Variants in SLC25A33 observed in about 807,000 individuals in gnomAD.
SLC25A33 encodes the protein solute carrier family 25 member 33, also known as bone marrow stromal cell mitochondrial carrier protein.
Under a neutral mutation model 35.5 loss-of-function variants are expected in SLC25A33, and 15 were observed. The observed-to-expected ratio is 0.42, with a 90% confidence interval of 0.28 to 0.65. SLC25A33 has a LOEUF of 0.65. Ranked by LOEUF, SLC25A33 falls within the 30% of genes least tolerant of loss-of-function variation. The probability of loss-of-function intolerance (pLI) is 0.20; values close to 1 mark genes in which losing one functional copy is unlikely to be tolerated. For missense variants in SLC25A33, 257 were observed against 398.5 expected (o/e 0.64, Z 3.02); for synonymous variants, 136 against 148.7 (o/e 0.91, Z 0.62).
chr1:9,567,059 TATGTCTA>T (rs1013048952), intron 2 of SLC25A33, among the ~76,000 whole-genome samples: 18 of 151,794 alleles, frequency 1.2e-4, no homozygotes, highest in African/African-American at 4.3e-4. Flanking sequence ...AGAAAGAAAA[TATGTCTA>T]ACTGATGCTT....
Position 9,539,855 on chromosome 1 carries a change from T to TACG in SLC25A33, c.56+109_56+111dup, listed in dbSNP as rs945709984. ...CGGCGGTTACCGGCCTTCCCCGGGC[T>TACG]ACGGCGCCGGCGCTCGGGAGGAGGA... On this transcript the variant is annotated intron_variant, in intron 1 of 6. Transcript: ENST00000302692. 5 of 1,059,756 alleles carry TACG rather than the reference T, an allele frequency of 4.7e-6. No individual in the cohort carries two copies. The African/African-American group carries it at 8.5e-5, about 18-fold the overall frequency. The allele number at this position is 1,059,756 out of a possible 1,614,324, so 65.6% of individuals were successfully genotyped here.
rs915710544 is a variant in SLC25A33, at chr1:9,553,878, A to G, written c.236+73A>G. On this transcript the variant is annotated intron_variant, in intron 2 of 6. Transcript: ENST00000302692. Reference sequence around the variant, plus strand: ...CACTGTCAACAGAGAATGTTCATCAAGCTTATCAAATGTGATGTTCTGTTT... The same window carrying G: ...CACTGTCAACAGAGAATGTTCATCAGGCTTATCAAATGTGATGTTCTGTTT... The G allele has an allele frequency of 1.1e-5, 16 of 1,461,370 alleles. No homozygotes were observed. The Admixed American group carries it at 1.8e-4, about 17-fold the overall frequency. The allele number at this position is 1,461,370 out of a possible 1,614,324, so 90.5% of individuals were successfully genotyped here.
At position 9,547,688 on chromosome 1, in the gene SLC25A33, T is replaced by G. The variant is rs374976949; in HGVS notation, c.57-5938T>G. 3.9e-5 allele frequency among the ~76,000 whole-genome samples: 6 copies of G among 152,200 alleles called. No homozygotes were observed. In the East Asian group the frequency reaches 7.7e-4, roughly 20 times the overall value. On this transcript the variant is annotated intron_variant, in intron 1 of 6. Transcript: ENST00000302692. ...ATCCCAGGCCTCTACCCACTAGATATGAGTAACCCCCCTCCCCCATTTCAA... is the reference window on the plus strand; with the variant it reads ...ATCCCAGGCCTCTACCCACTAGATAGGAGTAACCCCCCTCCCCCATTTCAA...
rs1557539074 is a variant in SLC25A33, at chr1:9,580,869, AATAAT to A, written c.763+637_763+641del. ...GACTCTGTCTCAAAAAAAAAAAAAT[AATAAT>A]AATAATAATAATAATAATAATCATT... On this transcript the variant is annotated intron_variant, in intron 6 of 6. Transcript: ENST00000302692. 6.2e-5 allele frequency among the ~76,000 whole-genome samples: 6 copies of A among 96,720 alleles called. No homozygotes were observed. In the East Asian group the frequency reaches 8.7e-4, roughly 14 times the overall value. 63.5% of individuals were successfully genotyped at this position (96,720 alleles called of 152,430 possible). A position where few individuals can be genotyped will look rare whatever the true frequency, so the allele number is the denominator to read the frequency against.
intron 2 of SLC25A33, among the ~76,000 whole-genome samples, chr1:9,560,690 C>G (rs1234213762): frequency 1.3e-5 from 2 of 151,478 alleles, no homozygotes; most frequent in South Asian, 2.1e-4. Flanking sequence ...AAAATATTCT[C>G]TATTCTGTTA....
chr1:9,563,617 C>G (rs1643456757), intron 2 of SLC25A33, among the ~76,000 whole-genome samples: 1 of 152,144 alleles, frequency 6.6e-6, no homozygotes, highest in African/African-American at 2.4e-5. Flanking sequence ...ATTTACTTTA[C>G]TATTAACTTT....
At position 9,553,766 on chromosome 1, in the gene SLC25A33, G is replaced by A. The variant is rs1643302340; in HGVS notation, c.197G>A (p.Arg66Lys). ...ACCATTAGTGGAGCTGGAATGGTGA[G>A]ACCAACATCCGTGACACCTGGACTC... ...LGTISGAGMV[R>K]PTSVTPGLFQ... The change falls in exon 2 of 7, where the codon AGA becomes AAA. Residue 66 changes from arginine to lysine, a missense_variant. Arg to Lys is a conservative substitution (Grantham distance 26). Transcript: ENST00000302692. 9 of 1,614,150 alleles carry A rather than the reference G, an allele frequency of 5.6e-6. No homozygotes were observed. The highest frequency in any genetic ancestry group is 7.6e-6 in the Non-Finnish European group (9 of 1,180,032).
Position 9,553,806 on chromosome 1 carries a change from G to GT in SLC25A33, c.236+2dup. ...CACCTGGACTCTTTCAGGTTCTGAA[G>GT]TAAGTTCAGTCTTGTCTGCTCCTGC... On this transcript the variant is annotated splice_donor_variant, in intron 2 of 6. Coordinates refer to ENST00000302692, the MANE Select transcript of SLC25A33 (RefSeq NM_032315.3). LOFTEE classifies it high-confidence loss of function. 1 of 1,612,770 alleles carries GT rather than the reference G, an allele frequency of 6.2e-7. No homozygotes were observed. Among genetic ancestry groups the GT allele is most frequent in the Non-Finnish European group, 8.5e-7 (1 of 1,179,166 alleles).
At chr1:9,546,640 A>C (rs1643174722) in intron 1 of SLC25A33, among the ~76,000 whole-genome samples, 1 of 151,958 alleles carries the variant, frequency 6.6e-6, no homozygotes, top group Non-Finnish European at 1.5e-5. Context: ...TGTTAGTAAA[A>C]CTCTTTAATT....
At chr1:9,547,742 T>C (rs1643201940) in intron 1 of SLC25A33, among the ~76,000 whole-genome samples, 1 of 151,670 alleles carries the variant, frequency 6.6e-6, no homozygotes, top group African/African-American at 2.4e-5. Flanking sequence ...ATTTTATTAC[T>C]GGGGTGGGGA....
chr1:9,572,188 A>G (rs1339643030), intron 4 of SLC25A33, among the ~76,000 whole-genome samples: 3 of 152,266 alleles, frequency 2.0e-5, no homozygotes. Context: ...GTTCCAAAAC[A>G]GGTAGCCCTT....
At chr1:9,577,059 T>C in intron 5 of SLC25A33, 1 of 671,090 alleles carries the variant, frequency 1.5e-6, no homozygotes, top group Non-Finnish European at 2.5e-6. Flanking sequence ...ATTTAAATGA[T>C]GCCATAAAAG....
At chr1:9,580,340 C>A in intron 6 of SLC25A33, 106 bp downstream of exon 6, 1 of 1,401,982 alleles carries the variant, frequency 7.1e-7, no homozygotes, top group Non-Finnish European at 9.7e-7. Context: ...AGGATCCCTG[C>A]AGGTAAGGTC....
chr1:9,564,893 C>T (rs1209783750), intron 2 of SLC25A33, among the ~76,000 whole-genome samples: 1 of 151,440 alleles, frequency 6.6e-6, no homozygotes, highest in African/African-American at 2.4e-5. Context: ...CACTGCACTC[C>T]AGCCTGGGTG....
intron 3 of SLC25A33, among the ~76,000 whole-genome samples, chr1:9,567,582 AAATT>A (rs1190081903): frequency 1.3e-5 from 2 of 152,348 alleles, no homozygotes; most frequent in African/African-American, 2.4e-5. Context: ...TTAAGTGTGA[AAATT>A]AATCTGCTAT....
intron 2 of SLC25A33, among the ~76,000 whole-genome samples, chr1:9,565,360 C>CA (rs899448455): frequency 1.3e-5 from 2 of 151,404 alleles, no homozygotes; most frequent in African/African-American, 4.9e-5. Context: ...ACTAAAAATA[C>CA]AAAAAATTAG....
chr1:9,560,579 T>A (rs1300641297), intron 2 of SLC25A33, among the ~76,000 whole-genome samples: 1 of 152,112 alleles, frequency 6.6e-6, no homozygotes, highest in East Asian at 1.9e-4. Context: ...AAAAGTTGTC[T>A]GCTTATTAAT....
At chr1:9,579,063 T>A (rs747091435) in intron 5 of SLC25A33, among the ~76,000 whole-genome samples, 57 of 152,372 alleles carry the variant, frequency 3.7e-4, no homozygotes, top group Non-Finnish European at 6.8e-4. Flanking sequence ...TGGTCTGGCC[T>A]CACAGTGGGC....
rs1643780986 is a variant in SLC25A33, at chr1:9,584,319, C to G, written c.*1818C>G. 6.6e-6 allele frequency: 1 copy of G among 152,232 alleles called. No homozygotes were observed. The highest frequency in any genetic ancestry group is 1.5e-5 in the Non-Finnish European group (1 of 68,044). The allele number at this position is 152,232 out of a possible 1,614,324, so 9.4% of individuals were successfully genotyped here. A position where few individuals can be genotyped will look rare whatever the true frequency, so the allele number is the denominator to read the frequency against. ...GACTCTAGTGTAATTGCTCCAACAA[C>G]TACGTAGAAGTCAAAATGAGTGACT... On this transcript the variant is annotated 3_prime_UTR_variant, in exon 7 of 7. Coordinates refer to ENST00000302692, the MANE Select transcript of SLC25A33 (RefSeq NM_032315.3).
Sources: allele counts gnomAD v4.1 joint callset (sites outside exome capture counted in the v4.1 genomes callset), GRCh38; gene constraint gnomAD v4.1.1; transcripts MANE v1.5; gene names NCBI Gene and HGNC (gene_info 2026-07-23, HGNC 2026-07-21).